The following DMD variants were observed in gnomAD, a reference collection of about 807,000 sequenced individuals.
The protein encoded by DMD is mutant dystrophin.
In DMD, 63 loss-of-function variants were observed where a neutral mutation model predicts 330.1. The observed-to-expected ratio is 0.19, with a 90% confidence interval of 0.16 to 0.24. DMD has a LOEUF of 0.24. DMD is among the 10% of genes least tolerant of loss of function. The pLI, the probability that DMD is intolerant of heterozygous loss-of-function variation, is 1.00. For missense variants in DMD, 3,344 were observed against 2,684.1 expected (o/e 1.25, Z -5.43); for synonymous variants, 1,223 against 959.8 (o/e 1.27, Z -5.07).
intron 7 of DMD, chrX:32,756,091 C>A (rs750949773): frequency 1.8e-5 from 2 of 112,031 alleles, no homozygotes; most frequent in South Asian, 3.7e-4. Flanking sequence ...CAGCATTAAG[C>A]GCATAAATTA....
At chrX:32,056,869 A>G (rs1048690636) in intron 44 of DMD, among the ~76,000 whole-genome samples, 3 of 111,520 alleles carry the variant, frequency 2.7e-5, no homozygotes, top group African/African-American at 9.8e-5. Flanking sequence ...AAAATAACTC[A>G]TTAAAATACT....
intron 56 of DMD, among the ~76,000 whole-genome samples, chrX:31,498,376 T>C (rs1263744533): frequency 8.9e-6 from 1 of 111,918 alleles, no homozygotes; most frequent in African/African-American, 3.2e-5. Flanking sequence ...AATTTATATA[T>C]GAATTTAATT....
intron 49 of DMD, among the ~76,000 whole-genome samples, chrX:31,827,873 A>G (rs1267999073): frequency 1.8e-5 from 2 of 111,685 alleles, no homozygotes; most frequent in Non-Finnish European, 3.8e-5. Flanking sequence ...GAAATGATTA[A>G]TAGTGACACA....
chrX:33,026,274 C>T (rs1303834947), intron 1 of DMD, among the ~76,000 whole-genome samples: 1 of 86,390 alleles, frequency 1.2e-5, no homozygotes, highest in African/African-American at 4.7e-5. Context: ...AAGATCGTGC[C>T]ACTGCGCTCC....
intron 55 of DMD, among the ~76,000 whole-genome samples, chrX:31,584,279 C>A (rs1478365050): frequency 9.2e-6 from 1 of 109,166 alleles, no homozygotes; most frequent in Non-Finnish European, 1.9e-5. Flanking sequence ...CCCCGACAGG[C>A]CTCAGTGTGT....
chrX:32,793,246 T>G (rs73621834), intron 7 of DMD, among the ~76,000 whole-genome samples: 3,534 of 111,112 alleles, frequency 0.032, 138 homozygotes, highest in African/African-American at 0.1. Context: ...TTGAAACAAA[T>G]GAATATCAAA....
intron 44 of DMD, among the ~76,000 whole-genome samples, chrX:32,065,255 G>A (rs908249243): frequency 9.0e-6 from 1 of 111,239 alleles, no homozygotes; most frequent in South Asian, 3.7e-4. Flanking sequence ...GTTCTTTGCC[G>A]TCCAAAGTTT....
At chrX:31,831,137 AG>A (rs939391782) in intron 49 of DMD, among the ~76,000 whole-genome samples, 1 of 112,190 alleles carries the variant, frequency 8.9e-6, no homozygotes, top group Admixed American at 9.5e-5. Flanking sequence ...TGCTGCAATA[AG>A]GTAAATATTC....
At chrX:33,282,648 T>C (rs2053354345) in intron 1 of DMD, among the ~76,000 whole-genome samples, 1 of 112,144 alleles carries the variant, frequency 8.9e-6, no homozygotes, top group South Asian at 3.7e-4. Flanking sequence ...CAGCAGAGCA[T>C]GGTAGTCCTA....
intron 1 of DMD, among the ~76,000 whole-genome samples, chrX:33,143,658 G>GA (rs1475105361): frequency 9.0e-6 from 1 of 111,516 alleles, no homozygotes; most frequent in African/African-American, 3.3e-5. Flanking sequence ...TTTAATAAAA[G>GA]AAAAAATGTC....
At chrX:32,300,473 AAAG>A (rs1022425779) in intron 42 of DMD, among the ~76,000 whole-genome samples, 2 of 111,473 alleles carry the variant, frequency 1.8e-5, no homozygotes, top group Admixed American at 1.9e-4. Flanking sequence ...ACAAGAACAA[AAAG>A]AACAACAAAA....
intron 44 of DMD, among the ~76,000 whole-genome samples, chrX:31,992,910 T>C (rs2095560389): frequency 8.9e-6 from 1 of 112,208 alleles, no homozygotes; most frequent in African/African-American, 3.2e-5. Flanking sequence ...AATGTAATTA[T>C]ATTTTATTTG....
intron 45 of DMD, among the ~76,000 whole-genome samples, chrX:31,938,130 T>C (rs1368721436): frequency 8.9e-6 from 1 of 111,980 alleles, no homozygotes; most frequent in Non-Finnish European, 1.9e-5. Flanking sequence ...CTAAGAGGAA[T>C]AGACTGCCAA....
intron 51 of DMD, among the ~76,000 whole-genome samples, chrX:31,764,330 G>A (rs769418007): frequency 9.0e-6 from 1 of 111,673 alleles, no homozygotes; most frequent in Non-Finnish European, 1.9e-5. Flanking sequence ...TCAAACTTGA[G>A]TAAGTGTGGT....
chrX:32,438,991 G>T (rs1288158970), intron 28 of DMD, among the ~76,000 whole-genome samples: 1 of 111,156 alleles, frequency 9.0e-6, no homozygotes, highest in Non-Finnish European at 1.9e-5. Context: ...TTAAACCGTT[G>T]TCTGATTCTC....
At chrX:31,834,601 G>A (rs1298041984) in intron 49 of DMD, among the ~76,000 whole-genome samples, 1 of 111,140 alleles carries the variant, frequency 9.0e-6, no homozygotes, top group African/African-American at 3.3e-5. Flanking sequence ...CACCACAGCT[G>A]GCTCATTTTC....
At chrX:31,319,734 T>C (rs765159304) in intron 62 of DMD, among the ~76,000 whole-genome samples, 14 of 112,658 alleles carry the variant, frequency 1.2e-4, no homozygotes, top group African/African-American at 4.2e-4. Context: ...ATGACATCTA[T>C]ACTGGAACAT....
intron 62 of DMD, among the ~76,000 whole-genome samples, chrX:31,308,520 T>C (rs2055221318): frequency 9.0e-6 from 1 of 111,666 alleles, no homozygotes; most frequent in Non-Finnish European, 1.9e-5. Flanking sequence ...CTATCTAGAA[T>C]TTAAAAAAAT....
At chrX:33,109,954 A>G (rs2095326863) in intron 1 of DMD, among the ~76,000 whole-genome samples, 1 of 105,825 alleles carries the variant, frequency 9.4e-6, no homozygotes, top group Admixed American at 1.0e-4. Flanking sequence ...CAATGGTTTA[A>G]AAAAAAAAAA....
Sources: allele counts gnomAD v4.1 joint callset (sites outside exome capture counted in the v4.1 genomes callset), GRCh38; gene constraint gnomAD v4.1.1; transcripts MANE v1.5; gene names NCBI Gene and HGNC (gene_info 2026-07-23, HGNC 2026-07-21).